GRIA4: variants seen among roughly 807,000 people sequenced by gnomAD.
The protein encoded by GRIA4 is glutamate receptor 4.
Under a neutral mutation model 104.0 loss-of-function variants are expected in GRIA4, and 34 were observed. The observed-to-expected ratio is 0.33, with a 90% CI of 0.25 to 0.44. GRIA4 has a LOEUF of 0.44. Ranked by LOEUF, GRIA4 falls within the 20% of genes least tolerant of loss-of-function variation. GRIA4 has a pLI of 1.00. For missense variants in GRIA4, 750 were observed against 1,096.5 expected, an observed-to-expected ratio of 0.68 and a Z score of 4.46; for synonymous variants, 386 against 381.9, an observed-to-expected ratio of 1.01 and a Z score of -0.13.
chr11:105,672,908 T>G (rs1952420059), intron 3 of GRIA4, among the ~76,000 whole-genome samples: 1 of 152,098 alleles, frequency 6.6e-6, no homozygotes, highest in Non-Finnish European at 1.5e-5. Flanking sequence ...GGTATTCATT[T>G]AAAATTTTAT....
At chr11:105,947,504 A>AG (rs1948345967) in intron 14 of GRIA4, among the ~76,000 whole-genome samples, 1 of 152,316 alleles carries the variant, frequency 6.6e-6, no homozygotes. Context: ...AATCTCACTC[A>AG]GGGAAACAAT....
At chr11:105,727,803 A>C (rs1490882686) in intron 3 of GRIA4, among the ~76,000 whole-genome samples, 2 of 152,200 alleles carry the variant, frequency 1.3e-5, no homozygotes, top group Non-Finnish European at 2.9e-5. Flanking sequence ...GCGAAATAAA[A>C]TCCTTTACAG....
At position 105,711,410 on chromosome 11, in the gene GRIA4, A is replaced by G. The variant is rs555612973; in HGVS notation, c.248-41571A>G. Among the ~76,000 whole-genome samples, 36 of 152,078 alleles carry G rather than the reference A, an allele frequency of 2.4e-4. 1 individual carries two copies. The East Asian group carries it at 6.8e-3, about 29-fold the overall frequency. ...CTGCACGCTGTGCACATGTACCCTAAACCTTAAAGTATTATAATAATAAAA... is the reference window on the plus strand; with the variant it reads ...CTGCACGCTGTGCACATGTACCCTAGACCTTAAAGTATTATAATAATAAAA... On this transcript the variant is annotated intron_variant, in intron 3 of 16. Coordinates refer to ENST00000282499, the MANE Select transcript of GRIA4 (RefSeq NM_000829.4).
intron 3 of GRIA4, among the ~76,000 whole-genome samples, chr11:105,694,363 G>A (rs1248918385): frequency 6.6e-6 from 1 of 151,850 alleles, no homozygotes; most frequent in African/African-American, 2.4e-5. Context: ...TGGCCAGGAT[G>A]GTCTTGATCT....
intron 4 of GRIA4, among the ~76,000 whole-genome samples, chr11:105,795,288 G>T (rs1393954046): frequency 6.6e-6 from 1 of 152,102 alleles, no homozygotes; most frequent in Non-Finnish European, 1.5e-5. Flanking sequence ...TTAAACAAGA[G>T]ATTATTAAAT....
intron 3 of GRIA4, chr11:105,707,136 G>A (rs1037853532): frequency 1.3e-5 from 2 of 153,252 alleles, no homozygotes; most frequent in African/African-American, 2.4e-5. Flanking sequence ...GATTATAGCA[G>A]TCAGAACCCC....
chr11:105,711,881 C>G (rs1012324997), intron 3 of GRIA4, among the ~76,000 whole-genome samples: 10 of 152,098 alleles, frequency 6.6e-5, no homozygotes, highest in Admixed American at 5.3e-4. Flanking sequence ...ATTAAAACCT[C>G]TCTAACTTCC....
chr11:105,645,114 A>ATCAGGAAG (rs2135363840), intron 3 of GRIA4, among the ~76,000 whole-genome samples: 1 of 152,310 alleles, frequency 6.6e-6, no homozygotes, highest in Non-Finnish European at 1.5e-5. Flanking sequence ...CAGCTTCATA[A>ATCAGGAAG]TCAGGAAGGG....
intron 11 of GRIA4, among the ~76,000 whole-genome samples, chr11:105,919,561 G>A (rs1296957498): frequency 2.6e-5 from 4 of 152,176 alleles, no homozygotes; most frequent in Middle Eastern, 6.8e-3. Flanking sequence ...CATGTTATGC[G>A]CCTCCCTTGA....
At chr11:105,616,302 T>C (rs2135255373) in intron 3 of GRIA4, among the ~76,000 whole-genome samples, 1 of 151,850 alleles carries the variant, frequency 6.6e-6, no homozygotes, top group South Asian at 2.1e-4. Context: ...TATTATGCCC[T>C]AGTAATGATG....
intron 4 of GRIA4, among the ~76,000 whole-genome samples, chr11:105,858,553 A>G (rs980045122): frequency 6.6e-6 from 1 of 152,110 alleles, no homozygotes; most frequent in African/African-American, 2.4e-5. Flanking sequence ...TGTACAATAA[A>G]TTATTGTTGA....
At chr11:105,688,156 C>CTATATCTATCTATCTA (rs373564678) in intron 3 of GRIA4, among the ~76,000 whole-genome samples, 23 of 72,774 alleles carry the variant, frequency 3.2e-4, no homozygotes, top group South Asian at 1.0e-3. Context: ...ATATCTATAT[C>CTATATCTATCTATCTA]TCTATCTATC....
At chr11:105,620,782 G>A (rs1226376627) in intron 3 of GRIA4, among the ~76,000 whole-genome samples, 1 of 151,666 alleles carries the variant, frequency 6.6e-6, no homozygotes, top group African/African-American at 2.4e-5. Context: ...TTCATTAGTT[G>A]GCCAGTCTAC....
intron 5 of GRIA4, among the ~76,000 whole-genome samples, chr11:105,873,384 C>T (rs1055250991): frequency 3.3e-5 from 5 of 152,060 alleles, no homozygotes; most frequent in Admixed American, 1.3e-4. Context: ...AATAAACATA[C>T]GTGTGCATGT....
chr11:105,904,298 T>C (rs906940978), intron 8 of GRIA4, among the ~76,000 whole-genome samples: 3 of 152,220 alleles, frequency 2.0e-5, no homozygotes, highest in African/African-American at 7.2e-5. Context: ...TGGCTAATTG[T>C]AATCACTCGA....
At chr11:105,883,267 G>C (rs1281221941) in intron 5 of GRIA4, among the ~76,000 whole-genome samples, 1 of 146,518 alleles carries the variant, frequency 6.8e-6, no homozygotes, top group Admixed American at 7.0e-5. Context: ...TAGTCTAGTT[G>C]CACCGTTTCT....
intron 14 of GRIA4, among the ~76,000 whole-genome samples, chr11:105,957,282 T>C (rs1017230187): frequency 6.6e-6 from 1 of 152,230 alleles, no homozygotes; most frequent in African/African-American, 2.4e-5. Flanking sequence ...TGAATTAATT[T>C]TTGTATAAGG....
chr11:105,914,681 C>T (rs984534614), intron 10 of GRIA4, among the ~76,000 whole-genome samples: 1 of 152,144 alleles, frequency 6.6e-6, no homozygotes, highest in African/African-American at 2.4e-5. Context: ...AACTCATATT[C>T]ACTAAGAAGT....
intron 4 of GRIA4, among the ~76,000 whole-genome samples, chr11:105,818,465 G>A (rs1012558480): frequency 6.6e-6 from 1 of 152,042 alleles, no homozygotes; most frequent in Non-Finnish European, 1.5e-5. Flanking sequence ...GGTAAAGAAC[G>A]AATCTTCATC....
Sources: allele counts gnomAD v4.1 joint callset (sites outside exome capture counted in the v4.1 genomes callset), GRCh38; gene constraint gnomAD v4.1.1; transcripts MANE v1.5; gene names NCBI Gene and HGNC (gene_info 2026-07-23, HGNC 2026-07-21).